The following KANK1 variants were observed in gnomAD, a reference collection of about 807,000 sequenced individuals.
KANK1 encodes the protein KN motif and ankyrin repeat domains 1, also known as KN motif and ankyrin repeat domain-containing protein 1.
In KANK1, 109 loss-of-function variants were observed where a neutral mutation model predicts 106.2. The observed-to-expected ratio is 1.03, with a 90% CI of 0.88 to 1.20. KANK1 has a LOEUF of 1.20. Ranked by LOEUF, KANK1 falls within the 50% of genes most tolerant of loss-of-function variation. The pLI is 0.00. For synonymous variants in KANK1, 873 were observed against 652.2 expected (o/e 1.34, Z -5.16); for missense variants, 2,399 against 1,710.7 (o/e 1.40, Z -7.10).
At chr9:510,471 C>G (rs940752841) in intron 1 of KANK1, among the ~76,000 whole-genome samples, 2 of 152,180 alleles carry the variant, frequency 1.3e-5, no homozygotes, top group African/African-American at 4.8e-5. Flanking sequence ...AGGGAGAAGT[C>G]TTTCTTGTCT....
intron 1 of KANK1, among the ~76,000 whole-genome samples, chr9:570,065 C>G (rs1818788421): frequency 6.6e-6 from 1 of 151,778 alleles, no homozygotes; most frequent in Non-Finnish European, 1.5e-5. Flanking sequence ...GTTTTTTTCT[C>G]CTTGTATTGG....
intron 1 of KANK1, among the ~76,000 whole-genome samples, chr9:555,610 C>G (rs1025598738): frequency 4.6e-5 from 7 of 152,156 alleles, no homozygotes; most frequent in African/African-American, 1.7e-4. Flanking sequence ...TGAGAATTAG[C>G]TGAAATAACT....
At chr9:736,010 T>G (rs1311527504) in intron 7 of KANK1, among the ~76,000 whole-genome samples, 7 of 151,968 alleles carry the variant, frequency 4.6e-5, no homozygotes, top group Admixed American at 4.6e-4. Context: ...AAGCCTGGAG[T>G]GCAGTGGCGT....
intron 1 of KANK1, among the ~76,000 whole-genome samples, chr9:581,939 G>C (rs115959417): frequency 1.8e-4 from 27 of 152,278 alleles, no homozygotes; most frequent in African/African-American, 6.5e-4. Flanking sequence ...TCACTTCCAA[G>C]ATCTCCCTTA....
chr9:649,988 G>C (rs903520229), intron 1 of KANK1, among the ~76,000 whole-genome samples: 1 of 152,198 alleles, frequency 6.6e-6, no homozygotes, highest in Admixed American at 6.5e-5. Flanking sequence ...CTGCAGTCCT[G>C]TGTTTTTCTG....
intron 2 of KANK1, among the ~76,000 whole-genome samples, chr9:700,775 CAT>C (rs769538490): frequency 2.0e-5 from 3 of 152,200 alleles, no homozygotes; most frequent in Non-Finnish European, 2.9e-5. Context: ...AAGAAAAACA[CAT>C]AAATAGTGTG....
chr9:538,689 A>C (rs570275999), intron 1 of KANK1, among the ~76,000 whole-genome samples: 1 of 152,310 alleles, frequency 6.6e-6, no homozygotes, highest in South Asian at 2.1e-4. Context: ...ATAAGGAAGG[A>C]GTCAGAGTTG....
At chr9:629,614 G>T (rs10975482) in intron 1 of KANK1, among the ~76,000 whole-genome samples, 18,750 of 152,030 alleles carry the variant, frequency 0.12, 1,517 homozygotes, top group Non-Finnish European at 0.17. Context: ...GAAGTGCATT[G>T]GTCTCTGAAG....
rs926493076 is a variant in KANK1, at chr9:607,944, T to G, written c.-83-68946T>G. On this transcript the variant is annotated intron_variant, in intron 1 of 11. Transcript: ENST00000382297. Reference sequence around the variant, plus strand: ...ATTTTTCCTTGTGAACATCTCTCTGTGTGTGTGTATGTGTATAATTTATCT... The same window carrying G: ...ATTTTTCCTTGTGAACATCTCTCTGGGTGTGTGTATGTGTATAATTTATCT... Among the ~76,000 whole-genome samples, 65 of 148,512 alleles carry G rather than the reference T, an allele frequency of 4.4e-4. 1 individual carries two copies. The highest frequency in any genetic ancestry group is 1.6e-3 in the African/African-American group (65 of 40,646).
chr9:664,155 A>G (rs1348457285), intron 1 of KANK1, among the ~76,000 whole-genome samples: 1 of 152,122 alleles, frequency 6.6e-6, no homozygotes, highest in Non-Finnish European at 1.5e-5. Context: ...CTACTGATCT[A>G]TCGAACACCA....
chr9:611,917 AC>A (rs1276508728), intron 1 of KANK1, among the ~76,000 whole-genome samples: 2 of 152,064 alleles, frequency 1.3e-5, no homozygotes, highest in Non-Finnish European at 2.9e-5. Context: ...ATGGGGTTTC[AC>A]CGTGTTAGCC....
chr9:680,625 G>A (rs73372903), intron 2 of KANK1, among the ~76,000 whole-genome samples: 25 of 152,256 alleles, frequency 1.6e-4, no homozygotes, highest in African/African-American at 6.0e-4. Context: ...GTGAACCAAA[G>A]AGGCAAAAAT....
intron 2 of KANK1, among the ~76,000 whole-genome samples, chr9:702,060 C>T (rs533310727): frequency 5.9e-5 from 9 of 152,272 alleles, no homozygotes; most frequent in Non-Finnish European, 1.2e-4. Context: ...TTGTTGATTT[C>T]ACCTTTTCTC....
chr9:681,250 G>A (rs62531177), intron 2 of KANK1, among the ~76,000 whole-genome samples: 18,370 of 152,132 alleles, frequency 0.12, 1,488 homozygotes, highest in Non-Finnish European at 0.16. Context: ...TTTTATTATG[G>A]TACTGCTAAC....
intron 2 of KANK1, among the ~76,000 whole-genome samples, chr9:680,378 C>T (rs62531176): frequency 6.8e-6 from 1 of 146,044 alleles, no homozygotes; most frequent in Non-Finnish European, 1.5e-5. Flanking sequence ...ACTCTGACTT[C>T]CCCTTGGAGT....
intron 2 of KANK1, among the ~76,000 whole-genome samples, chr9:472,020 G>A (rs1350199478): frequency 6.6e-6 from 1 of 152,108 alleles, no homozygotes; most frequent in Non-Finnish European, 1.5e-5. Context: ...TTATGTGACT[G>A]ACAAAAAAGA....
intron 1 of KANK1, chr9:549,097 T>C (rs1248189275): frequency 6.6e-6 from 1 of 152,096 alleles, no homozygotes; most frequent in Non-Finnish European, 1.5e-5. Context: ...TTTTTCTACT[T>C]CTTCCACAGA....
chr9:646,998 C>T (rs562195237), intron 1 of KANK1, among the ~76,000 whole-genome samples: 8 of 151,106 alleles, frequency 5.3e-5, no homozygotes, highest in African/African-American at 1.5e-4. Flanking sequence ...ATGCACACCC[C>T]TTAAACATCA....
In KANK1 at chr9:711,948, G is replaced by C; in HGVS notation, c.1182G>C (p.Glu394Asp). The C allele has an allele frequency of 6.2e-7, 1 of 1,614,218 alleles. No homozygotes were observed. Among genetic ancestry groups the C allele is most frequent in the Non-Finnish European group, 8.5e-7 (1 of 1,180,036 alleles). The change falls in exon 3 of 12, where the codon GAG becomes GAC. Residue 394 changes from glutamate to aspartate, a missense_variant. By Grantham distance (45) the Glu-to-Asp change is conservative. Transcript: ENST00000382297. ...SSCEASSELRENGECRSVAVG... is the reference protein window; with the variant it reads ...SSCEASSELRDNGECRSVAVG... ...GTGAGGCCTCCTCAGAGCTCAGGGA[G>C]AATGGAGAGTGCCGGTCTGTGGCTG...
Sources: allele counts gnomAD v4.1 joint callset (sites outside exome capture counted in the v4.1 genomes callset), GRCh38; gene constraint gnomAD v4.1.1; transcripts MANE v1.5; gene names NCBI Gene and HGNC (gene_info 2026-07-23, HGNC 2026-07-21).